SLC44A3: variants seen among roughly 807,000 people sequenced by gnomAD.
SLC44A3 encodes solute carrier family 44 member 3, also known as choline transporter-like protein 3.
A neutral mutation model predicts 75.4 loss-of-function variants in SLC44A3; 74 were observed. The ratio of observed to expected loss-of-function variants is 0.98; its 90% confidence interval spans 0.81 to 1.19. SLC44A3 has a LOEUF of 1.19. Among genes scored for constraint, SLC44A3 ranks in the 50% most tolerant of loss-of-function variants. The pLI, the probability that SLC44A3 is intolerant of heterozygous loss-of-function variation, is 0.00. For missense variants in SLC44A3, 700 were observed against 778.6 expected (o/e 0.90, Z 1.20); for synonymous variants, 310 against 296.9 (o/e 1.04, Z -0.45).
At chr1:94,821,351 C>T (rs925742902) in intron 2 of SLC44A3, among the ~76,000 whole-genome samples, 3 of 152,194 alleles carry the variant, frequency 2.0e-5, no homozygotes, top group Non-Finnish European at 4.4e-5. Flanking sequence ...TCCGAACTTA[C>T]TGAACAGAAG....
chr1:94,846,178 A>G (rs1413867733), intron 9 of SLC44A3, among the ~76,000 whole-genome samples: 1 of 151,260 alleles, frequency 6.6e-6, no homozygotes, highest in East Asian at 1.9e-4. Context: ...TATGCCCAGC[A>G]GAGCCAGTGT....
chr1:94,882,817 C>A (rs1265393139), intron 12 of SLC44A3, among the ~76,000 whole-genome samples: 2 of 151,172 alleles, frequency 1.3e-5, no homozygotes, highest in Non-Finnish European at 2.9e-5. Flanking sequence ...CCTGTTCCAT[C>A]TTTGTCGCTT....
intron 2 of SLC44A3, among the ~76,000 whole-genome samples, chr1:94,821,538 G>A (rs577998670): frequency 2.6e-5 from 4 of 152,284 alleles, no homozygotes; most frequent in African/African-American, 9.6e-5. Flanking sequence ...GTTAACCATA[G>A]CTAACAAGGA....
chr1:94,822,013 T>G (rs751992850), intron 2 of SLC44A3, among the ~76,000 whole-genome samples: 1 of 152,224 alleles, frequency 6.6e-6, no homozygotes, highest in Non-Finnish European at 1.5e-5. Context: ...CCCTAGGAGC[T>G]GGGAGAGACA....
rs116750110 is a variant in SLC44A3 at position 94,860,686 on chromosome 1, T to C, written c.1238+3186T>C. 7.2e-3 allele frequency among the ~76,000 whole-genome samples: 1,104 copies of C among 152,286 alleles called. 12 individuals carry two copies. Among genetic ancestry groups the C allele is most frequent in the African/African-American group, 0.026 (1,060 of 41,536 alleles). On this transcript the variant is annotated intron_variant, in intron 10 of 14. Transcript: ENST00000271227. ...TTGTATAGCCAGTCTATACCTAGTATAGAGTTGTATACCTATTCTTACTAC... is the reference window on the plus strand; with the variant it reads ...TTGTATAGCCAGTCTATACCTAGTACAGAGTTGTATACCTATTCTTACTAC...
rs1188662753 is a variant in SLC44A3 at position 94,824,548 on chromosome 1, G to T, written c.191G>T (p.Gly64Val). ...GGAGCCGCGGGAAGACTCCTCTTTG[G>T]CTATGACAGCTTTGGCAACATGTGT... Reference protein sequence around the residue: ...VAGAAGRLLFGYDSFGNMCGK... With the variant: ...VAGAAGRLLFVYDSFGNMCGK... Residue 64 changes from glycine to valine, a missense_variant, in exon 3 of 15, where the codon GGC becomes GTC. Gly to Val is a moderately radical substitution (Grantham distance 109, BLOSUM62 -3). Transcript: ENST00000271227. 8.1e-6 allele frequency: 13 copies of T among 1,612,756 alleles called. No individual in the cohort carries two copies. Among genetic ancestry groups the T allele is most frequent in the African/African-American group, 1.3e-5 (1 of 74,772 alleles).
At chr1:94,837,635 G>A (rs1465324004) in intron 5 of SLC44A3, 76 bp from the exon 6 acceptor site, 1 of 1,416,978 alleles carries the variant, frequency 7.1e-7, no homozygotes, top group Non-Finnish European at 9.4e-7. Context: ...TTTGGTTATT[G>A]AGAATGTTAA....
Position 94,867,426 on chromosome 1 carries a change from C to T in SLC44A3, c.1482+9C>T. The T allele has an allele frequency of 6.3e-7, 1 of 1,598,152 alleles. No homozygotes were observed. Among genetic ancestry groups the T allele is most frequent in the Non-Finnish European group, 8.5e-7 (1 of 1,170,888 alleles). Reference sequence around the variant, plus strand: ...TGCTCCATCTCAACCAGGTACGTCTCTACCTCTTGCCTCAGGAACACACAG... The same window carrying T: ...TGCTCCATCTCAACCAGGTACGTCTTTACCTCTTGCCTCAGGAACACACAG... On this transcript the variant is annotated intron_variant, in intron 12 of 14. Coordinates refer to ENST00000271227, the MANE Select transcript of SLC44A3 (RefSeq NM_001114106.3).
chr1:94,859,045 C>T (rs955974047), intron 10 of SLC44A3, among the ~76,000 whole-genome samples: 6 of 152,222 alleles, frequency 3.9e-5, no homozygotes, highest in Admixed American at 6.5e-5. Flanking sequence ...TCATTAGAGA[C>T]TCCAGAGGAC....
chr1:94,891,007 T>G (rs1670143281), intron 12 of SLC44A3, 123 bp from the exon 13 acceptor site: 1 of 719,292 alleles, frequency 1.4e-6, no homozygotes, highest in Non-Finnish European at 2.1e-6. Flanking sequence ...GAAAATGGTA[T>G]TTGTTATGGG....
intron 14 of SLC44A3, among the ~76,000 whole-genome samples, chr1:94,893,420 G>A (rs909815472): frequency 6.6e-6 from 1 of 151,258 alleles, no homozygotes; most frequent in Non-Finnish European, 1.5e-5. Context: ...TGCTCTTGTT[G>A]CCCAGGCTTG....
Position 94,824,629 on chromosome 1 carries a change from TA to T in SLC44A3, c.278del (p.Lys93AsnfsTer6), listed in dbSNP as rs748117099. 4 of 1,577,874 alleles carry T rather than the reference TA, an allele frequency of 2.5e-6. No homozygotes were observed. The highest frequency in any genetic ancestry group is 3.4e-6 in the Non-Finnish European group (4 of 1,167,896). ...GAPLSGQDMT[L>X]KKHVFFMNSC... ...CCTCTTTCAGGGCAGGACATGACCC[TA>T]AAAAAGTAAGTATCTAAATAAGTCC... On this transcript the variant is annotated frameshift_variant, in exon 3 of 15. Transcript: ENST00000271227. LOFTEE classifies it high-confidence loss of function.
At chr1:94,834,546 A>G (rs1662530423) in intron 5 of SLC44A3, among the ~76,000 whole-genome samples, 1 of 151,838 alleles carries the variant, frequency 6.6e-6, no homozygotes, top group Non-Finnish European at 1.5e-5. Flanking sequence ...GTGTAGTGGC[A>G]CGATCTCAGC....
Position 94,892,300 on chromosome 1 carries a change from CT to C in SLC44A3, c.1641del (p.Val548PhefsTer24). ...GCACAGGTGTTAGTGGTGTGTTTCA[CT>C]GTTTTTGGAGGACTCATGGCTTTTA... ...FLGKVLVVCF[T>X]VFGGLMAFNY... On this transcript the variant is annotated frameshift_variant, in exon 14 of 15. Transcript: ENST00000271227. LOFTEE classifies it high-confidence loss of function. 1.9e-6 allele frequency: 3 copies of C among 1,614,134 alleles called. No homozygotes were observed. Among genetic ancestry groups the C allele is most frequent in the Non-Finnish European group, 2.5e-6 (3 of 1,180,012 alleles).
Position 94,824,625 on chromosome 1 carries a change from A to T in SLC44A3, c.268A>T (p.Thr90Ser), listed in dbSNP as rs772782515. ...EGAPLSGQDM[T>S]LKKHVFFMNS... The stretch of plus-strand genomic sequence containing the variant: ...GGCCCCTCTTTCAGGGCAGGACATG[A>T]CCCTAAAAAAGTAAGTATCTAAATA... Residue 90 changes from threonine (T) to serine (S), a missense_variant, in exon 3 of 15, where the codon ACC becomes TCC. By Grantham distance (58) the Thr-to-Ser change is moderately conservative. Transcript: ENST00000271227. 9 of 1,581,946 alleles carry T rather than the reference A, an allele frequency of 5.7e-6. No homozygotes were observed. The East Asian group carries it at 2.0e-4, about 36-fold the overall frequency.
intron 5 of SLC44A3, among the ~76,000 whole-genome samples, chr1:94,832,896 G>T (rs771803151): frequency 2.0e-5 from 3 of 152,098 alleles, no homozygotes; most frequent in Admixed American, 6.5e-5. Context: ...GAGCCCAGGG[G>T]TTTGAGGTTG....
chr1:94,882,613 C>T (rs1431708127), intron 12 of SLC44A3, among the ~76,000 whole-genome samples: 1 of 152,124 alleles, frequency 6.6e-6, no homozygotes, highest in African/African-American at 2.4e-5. Flanking sequence ...TCGACACGGT[C>T]CTCTAACTTG....
intron 10 of SLC44A3, among the ~76,000 whole-genome samples, chr1:94,861,114 C>T (rs1666519930): frequency 6.6e-6 from 1 of 152,184 alleles, no homozygotes; most frequent in Non-Finnish European, 1.5e-5. Context: ...GGAAGGGAAT[C>T]TAATTGGAAT....
chr1:94,828,655 C>G (rs1040124980), intron 5 of SLC44A3, 69 bp downstream of exon 5: 2 of 1,357,646 alleles, frequency 1.5e-6, no homozygotes, highest in East Asian at 4.6e-5. Flanking sequence ...GCATCTGTTA[C>G]TCTTCTAGGC....
Sources: gnomAD v4.1 joint callset for allele counts (sites outside exome capture counted in the v4.1 genomes callset) on GRCh38, gnomAD v4.1.1 for gene constraint, MANE v1.5 for transcripts, NCBI Gene and HGNC (gene_info 2026-07-23, HGNC 2026-07-21) for gene names.